The following UBE4B variants were observed in gnomAD, a reference collection of about 807,000 sequenced individuals.
UBE4B encodes ubiquitination factor E4B.
In UBE4B, 27 loss-of-function variants were observed where a neutral mutation model predicts 148.1. That is an observed-to-expected ratio of 0.18 (90% CI 0.13 to 0.25). UBE4B has a LOEUF of 0.25. UBE4B is among the 10% of genes least tolerant of loss of function. The pLI is 1.00. For synonymous variants in UBE4B, 596 were observed against 619.3 expected (o/e 0.96, Z 0.56); for missense variants, 1,170 against 1,662.4 (o/e 0.70, Z 5.15).
At position 10,132,587 on chromosome 1, in the gene UBE4B, T is replaced by C. The variant is rs971785428; in HGVS notation, c.2025+105T>C. 24 of 891,418 alleles carry C rather than the reference T, an allele frequency of 2.7e-5. No homozygotes were observed. In the Admixed American group the frequency reaches 4.4e-4, roughly 16 times the overall value. 55.2% of individuals were successfully genotyped at this position (891,418 alleles called of 1,614,324 possible). A position where few individuals can be genotyped will look rare whatever the true frequency, so the allele number is the denominator to read the frequency against. On this transcript the variant is annotated intron_variant, in intron 15 of 27. Coordinates refer to ENST00000343090, the MANE Select transcript of UBE4B (RefSeq NM_001105562.3). ...CTGTTCTAGGAGTGGGGGTACAGTA[T>C]TGAACAAGGTAGACGAGCTTCCTGC...
At chr1:10,169,698 C>G (rs959818696) in intron 24 of UBE4B, among the ~76,000 whole-genome samples, 1 of 152,198 alleles carries the variant, frequency 6.6e-6, no homozygotes, top group Non-Finnish European at 1.5e-5. Context: ...GTTGGGAAGA[C>G]TAAGCGAAAA....
In UBE4B at chr1:10,135,080, T is replaced by C. The variant is rs772265161; in HGVS notation, c.2118T>C (p.Val706=). The C allele has an allele frequency of 6.8e-6, 11 of 1,614,060 alleles. No homozygotes were observed. The East Asian group carries it at 2.4e-4, about 36-fold the overall frequency. The change falls in exon 16 of 28, where the codon GTT becomes GTC. Residue 706 remains valine (V), a synonymous_variant. Transcript: ENST00000343090. ...QLSTKIKLET[V]DPTYIFHPRC... ...GTACAAAAATCAAGTTAGAAACAGT[T>C]GATCCCACGTATATTTTTCACCCAA...
At chr1:10,137,681 C>T (rs747212608) in intron 17 of UBE4B, among the ~76,000 whole-genome samples, 3 of 152,152 alleles carry the variant, frequency 2.0e-5, no homozygotes, top group Non-Finnish European at 4.4e-5. Flanking sequence ...ATAGCAGCCT[C>T]AAATTTCCAA....
At chr1:10,093,187 C>T (rs1644876802) in intron 2 of UBE4B, among the ~76,000 whole-genome samples, 1 of 152,114 alleles carries the variant, frequency 6.6e-6, no homozygotes, top group Non-Finnish European at 1.5e-5. Context: ...TGCTTATTTA[C>T]TACCATAATG....
chr1:10,156,229 A>G (rs1380446040), intron 21 of UBE4B, among the ~76,000 whole-genome samples: 2 of 137,608 alleles, frequency 1.5e-5, no homozygotes, highest in Non-Finnish European at 3.1e-5. Flanking sequence ...GTTTTGTTTC[A>G]TTTTCTTTTC....
intron 1 of UBE4B, among the ~76,000 whole-genome samples, chr1:10,043,495 C>T (rs555325352): frequency 7.0e-6 from 1 of 142,014 alleles, no homozygotes; most frequent in East Asian, 2.1e-4. Flanking sequence ...GGCGCGATCT[C>T]GGCTCACTGC....
At chr1:10,105,256 G>C (rs1308924758) in intron 5 of UBE4B, among the ~76,000 whole-genome samples, 1 of 152,130 alleles carries the variant, frequency 6.6e-6, no homozygotes, top group Non-Finnish European at 1.5e-5. Flanking sequence ...AGTTAGTGCA[G>C]GGAGTTCCTA....
intron 1 of UBE4B, among the ~76,000 whole-genome samples, chr1:10,051,065 G>T (rs900664932): frequency 1.3e-5 from 2 of 152,082 alleles, no homozygotes; most frequent in African/African-American, 2.4e-5. Flanking sequence ...GGAGTGCAGT[G>T]GCATTATCAT....
intron 1 of UBE4B, among the ~76,000 whole-genome samples, chr1:10,065,524 T>G (rs374928144): frequency 1.3e-5 from 2 of 152,330 alleles, no homozygotes; most frequent in East Asian, 3.9e-4. Context: ...TGTGACTGTT[T>G]TGGCCAGTTA....
chr1:10,172,066 G>C (rs9782938), intron 25 of UBE4B, among the ~76,000 whole-genome samples: 15,382 of 152,166 alleles, frequency 0.1, 1,606 homozygotes, highest in African/African-American at 0.27. Flanking sequence ...TCTCCTGCTA[G>C]AGTGCTGTTA....
At chr1:10,174,236 A>T (rs1170484321) in intron 25 of UBE4B, among the ~76,000 whole-genome samples, 1 of 151,902 alleles carries the variant, frequency 6.6e-6, no homozygotes, top group Non-Finnish European at 1.5e-5. Context: ...TCTACTAAAA[A>T]TACAAAAATT....
intron 12 of UBE4B, 83 bp from the exon 13 acceptor site, chr1:10,130,417 C>T (rs1557580783): frequency 5.4e-6 from 6 of 1,113,746 alleles, no homozygotes; most frequent in East Asian, 2.4e-5. Context: ...TGTGAAAATA[C>T]AGAGGAGCTG....
chr1:10,038,552 G>C (rs1386754074), intron 1 of UBE4B, among the ~76,000 whole-genome samples: 1 of 152,160 alleles, frequency 6.6e-6, no homozygotes, highest in Non-Finnish European at 1.5e-5. Context: ...GCTTAGAAGT[G>C]ATGGGGTTGG....
rs1285630595 is a variant in UBE4B at position 10,072,154 on chromosome 1, C to CA, written c.152dup (p.Ser52GlufsTer29). ...AGCGGCATCAGCCCCAGGACCCTCT[C>CA]AGAGTCTTGGTCTCAATGTCCACAA... On this transcript the variant is annotated frameshift_variant, in exon 2 of 28. Transcript: ENST00000343090. LOFTEE classifies it high-confidence loss of function. 1 of 1,614,010 alleles carries CA rather than the reference C, an allele frequency of 6.2e-7. No homozygotes were observed. The highest frequency in any genetic ancestry group is 8.5e-7 in the Non-Finnish European group (1 of 1,179,966).
intron 18 of UBE4B, 126 bp from the exon 19 acceptor site, chr1:10,146,837 G>A (rs2101978011): frequency 8.6e-7 from 1 of 1,160,286 alleles, no homozygotes; most frequent in Non-Finnish European, 1.2e-6. Context: ...TAGCTAGTTA[G>A]GAGATGAAGC....
At chr1:10,117,657 C>T (rs1324128484) in intron 8 of UBE4B, 57 bp downstream of exon 8, 1 of 1,508,398 alleles carries the variant, frequency 6.6e-7, no homozygotes, top group East Asian at 2.3e-5. Context: ...GTTTGATTAT[C>T]CCCACCCCTG....
At chr1:10,050,364 G>T (rs1217580794) in intron 1 of UBE4B, among the ~76,000 whole-genome samples, 1 of 152,088 alleles carries the variant, frequency 6.6e-6, no homozygotes, top group Non-Finnish European at 1.5e-5. Flanking sequence ...GAGCCAGTGT[G>T]CCTGGCCTGA....
chr1:10,061,143 C>T (rs1290540733), intron 1 of UBE4B, among the ~76,000 whole-genome samples: 2 of 152,120 alleles, frequency 1.3e-5, no homozygotes, highest in African/African-American at 4.8e-5. Flanking sequence ...CTACGGCATA[C>T]TTACTTGTAG....
chr1:10,040,116 T>C (rs1214667648), intron 1 of UBE4B, among the ~76,000 whole-genome samples: 1 of 151,432 alleles, frequency 6.6e-6, no homozygotes, highest in Non-Finnish European at 1.5e-5. Context: ...AGAAAGCACA[T>C]GTTTCTTTTT....
Sources: gnomAD v4.1 joint callset for allele counts (sites outside exome capture counted in the v4.1 genomes callset) on GRCh38, gnomAD v4.1.1 for gene constraint, MANE v1.5 for transcripts, NCBI Gene and HGNC (gene_info 2026-07-23, HGNC 2026-07-21) for gene names.